Variants in CDH13 observed in about 807,000 individuals in gnomAD.
CDH13 encodes cadherin 13, also known as cadherin-13.
CDH13 carries 24 observed loss-of-function variants against 63.8 expected under a neutral mutation model. The observed-to-expected ratio is 0.38, with a 90% CI of 0.27 to 0.53. CDH13 has a LOEUF of 0.53. Ranked by LOEUF, CDH13 falls within the 20% of genes least tolerant of loss-of-function variation. The probability of loss-of-function intolerance (pLI) is 0.85; values close to 1 mark genes in which losing one functional copy is unlikely to be tolerated. For synonymous variants in CDH13, 503 were observed against 355.3 expected (o/e 1.42, Z -4.67); for missense variants, 1,049 against 903.1 (o/e 1.16, Z -2.07).
At chr16:82,995,133 C>A (rs1912060891) in intron 2 of CDH13, among the ~76,000 whole-genome samples, 2 of 152,150 alleles carry the variant, frequency 1.3e-5, no homozygotes, top group African/African-American at 4.8e-5. Flanking sequence ...CATCACAACC[C>A]AAGTGGCTCA....
chr16:83,434,856 C>G (rs12149685), intron 6 of CDH13, among the ~76,000 whole-genome samples: 1 of 79,944 alleles, frequency 1.3e-5, no homozygotes, highest in African/African-American at 4.8e-5. Flanking sequence ...TATGTGTGTG[C>G]GTGTGTGTGT....
intron 3 of CDH13, among the ~76,000 whole-genome samples, chr16:83,110,820 A>G (rs2035021630): frequency 6.6e-6 from 1 of 152,034 alleles, no homozygotes; most frequent in Non-Finnish European, 1.5e-5. Context: ...TTCACAGTGC[A>G]TACCCCAAAA....
chr16:82,694,558 C>A (rs2030025096), intron 1 of CDH13, among the ~76,000 whole-genome samples: 1 of 152,108 alleles, frequency 6.6e-6, no homozygotes, highest in African/African-American at 2.4e-5. Flanking sequence ...CCCCTCCTTC[C>A]CTTCCTCCCA....
intron 6 of CDH13, among the ~76,000 whole-genome samples, chr16:83,345,211 A>C (rs1462452937): frequency 6.6e-6 from 1 of 152,190 alleles, no homozygotes; most frequent in Non-Finnish European, 1.5e-5. Flanking sequence ...AATCTCTTTC[A>C]TTGTCTCTGA....
At chr16:83,448,004 A>C (rs746249803) in intron 6 of CDH13, among the ~76,000 whole-genome samples, 1 of 152,160 alleles carries the variant, frequency 6.6e-6, no homozygotes, top group South Asian at 2.1e-4. Flanking sequence ...TTGACTCCCA[A>C]TAGGAACTTG....
intron 1 of CDH13, among the ~76,000 whole-genome samples, chr16:82,806,783 C>G (rs1376111209): frequency 1.3e-5 from 2 of 152,110 alleles, no homozygotes; most frequent in African/African-American, 4.8e-5. Flanking sequence ...AGTCCTGTTT[C>G]TCTAGCAGTG....
At chr16:83,242,397 C>G (rs367861764) in intron 5 of CDH13, among the ~76,000 whole-genome samples, 1 of 152,002 alleles carries the variant, frequency 6.6e-6, no homozygotes, top group African/African-American at 2.4e-5. Context: ...ATGAAAGTGC[C>G]GTTAGAAAAA....
intron 3 of CDH13, among the ~76,000 whole-genome samples, chr16:83,081,092 G>C (rs4496129): frequency 0.48 from 73,214 of 151,280 alleles, 18,190 homozygotes; most frequent in East Asian, 0.84. Context: ...TGTTGGTCAG[G>C]CTGGTCTCGA....
Position 83,129,714 on chromosome 16 carries a change from G to A in CDH13, c.483+4213G>A, listed in dbSNP as rs781384018. Among the ~76,000 whole-genome samples, 16 of 152,276 alleles carry A rather than the reference G, an allele frequency of 1.1e-4. No homozygotes were observed. The East Asian group carries it at 1.2e-3, about 11-fold the overall frequency. On this transcript the variant is annotated intron_variant, in intron 4 of 13. Coordinates refer to ENST00000567109, the MANE Select transcript of CDH13 (RefSeq NM_001257.5). ...TGCCCTGCACTCTGTGCACTGACGC[G>A]ACAGCCTGCTGAGGTTTGGAGGAGA...
Position 83,422,725 on chromosome 16 carries a change from C to T in CDH13, c.782-63752C>T, listed in dbSNP as rs866730925. Among the ~76,000 whole-genome samples, 23 of 152,246 alleles carry T rather than the reference C, an allele frequency of 1.5e-4. 1 individual carries two copies. The highest frequency in any genetic ancestry group is 3.4e-3 in the Middle Eastern group (1 of 294). On this transcript the variant is annotated intron_variant, in intron 6 of 13. Coordinates refer to ENST00000567109, the MANE Select transcript of CDH13 (RefSeq NM_001257.5). The stretch of plus-strand genomic sequence containing the variant: ...CTAAGCTCATGTGGCCATTTGCTTG[C>T]ATGACCTCTCATTGAGATTACCCAA...
chr16:82,788,286 C>T (rs1242524382), intron 1 of CDH13, among the ~76,000 whole-genome samples: 2 of 152,170 alleles, frequency 1.3e-5, no homozygotes, highest in African/African-American at 4.8e-5. Context: ...TGGTTCTCCA[C>T]GTAGCCACAT....
chr16:83,232,126 A>C (rs1453450075), intron 5 of CDH13, among the ~76,000 whole-genome samples: 2 of 151,636 alleles, frequency 1.3e-5, no homozygotes, highest in Non-Finnish European at 2.9e-5. Flanking sequence ...GATTGATGAA[A>C]TAATGTTTAC....
intron 2 of CDH13, among the ~76,000 whole-genome samples, chr16:82,883,094 A>T (rs1175063867): frequency 1.3e-5 from 2 of 152,150 alleles, no homozygotes; most frequent in East Asian, 3.9e-4. Context: ...CCATCACCTG[A>T]GGCTGTGACA....
At chr16:83,438,456 G>A (rs188923485) in intron 6 of CDH13, among the ~76,000 whole-genome samples, 95 of 152,334 alleles carry the variant, frequency 6.2e-4, no homozygotes, top group African/African-American at 2.1e-3. Flanking sequence ...AGCACCTAGG[G>A]CAGGGCCCGG....
At chr16:83,320,047 C>A (rs1388150026) in intron 5 of CDH13, among the ~76,000 whole-genome samples, 2 of 152,100 alleles carry the variant, frequency 1.3e-5, no homozygotes, top group Non-Finnish European at 2.9e-5. Context: ...TTGGACTGCC[C>A]GTTTGTTTAT....
chr16:83,293,687 C>T (rs1126187), intron 5 of CDH13, among the ~76,000 whole-genome samples: 1 of 152,070 alleles, frequency 6.6e-6, no homozygotes, highest in Non-Finnish European at 1.5e-5. Flanking sequence ...GGATATTTGT[C>T]TTTTCATGTC....
At chr16:82,861,708 T>A (rs1306701961) in intron 2 of CDH13, among the ~76,000 whole-genome samples, 1 of 152,252 alleles carries the variant, frequency 6.6e-6, no homozygotes, top group East Asian at 1.9e-4. Flanking sequence ...TTCTGAAGCC[T>A]TTTATTTGCT....
At chr16:83,622,545 G>C (rs1177100717) in intron 8 of CDH13, among the ~76,000 whole-genome samples, 2 of 152,078 alleles carry the variant, frequency 1.3e-5, no homozygotes, top group Non-Finnish European at 2.9e-5. Flanking sequence ...ACCATCAATA[G>C]CTTATAATTG....
chr16:83,528,464 C>A (rs760573043), intron 7 of CDH13, among the ~76,000 whole-genome samples: 1 of 152,160 alleles, frequency 6.6e-6, no homozygotes, highest in African/African-American at 2.4e-5. Context: ...AGTGAAACAT[C>A]AACTCCCATG....
Sources: gnomAD v4.1 joint callset for allele counts (sites outside exome capture counted in the v4.1 genomes callset) on GRCh38, gnomAD v4.1.1 for gene constraint, MANE v1.5 for transcripts, NCBI Gene and HGNC (gene_info 2026-07-23, HGNC 2026-07-21) for gene names.